The following WLS variants were observed in gnomAD, a reference collection of about 807,000 sequenced individuals.
WLS encodes the protein Wnt ligand secretion mediator.
Under a neutral mutation model 62.8 loss-of-function variants are expected in WLS, and 23 were observed. The ratio of observed to expected loss-of-function variants is 0.37; its 90% confidence interval spans 0.26 to 0.52. The LOEUF is 0.52. Among genes scored for constraint, WLS ranks in the 20% least tolerant of loss-of-function variants. The pLI is 0.92. For synonymous variants in WLS, 246 were observed against 244.1 expected (o/e 1.01, Z -0.07); for missense variants, 615 against 697.3 (o/e 0.88, Z 1.33).
At chr1:68,232,081 A>G in intron 1 of WLS, 113 bp downstream of exon 1, 1 of 1,406,054 alleles carries the variant, frequency 7.1e-7, no homozygotes, top group South Asian at 1.3e-5. Flanking sequence ...TAGCCGGACT[A>G]ATTAGATCAT....
chr1:68,166,956 T>C (rs990265422), intron 2 of WLS, among the ~76,000 whole-genome samples: 4 of 152,030 alleles, frequency 2.6e-5, no homozygotes, highest in Non-Finnish European at 5.9e-5. Flanking sequence ...CATAAAAAAA[T>C]AGAAATCACA....
In WLS at chr1:68,232,313, CT is replaced by C; in HGVS notation, c.-15del. Reference sequence around the variant, plus strand: ...TGCCCCAGCCATTTTTGCGCCCCCCCTTTTTCTTTTCTCCTTGAAATAAATG... The same window carrying C: ...TGCCCCAGCCATTTTTGCGCCCCCCCTTTTCTTTTCTCCTTGAAATAAATG... On this transcript the variant is annotated 5_prime_UTR_variant, in exon 1 of 12. Coordinates refer to ENST00000262348, the MANE Select transcript of WLS (RefSeq NM_024911.7). 1.9e-6 allele frequency: 3 copies of C among 1,613,230 alleles called. No individual in the cohort carries two copies. The highest frequency in any genetic ancestry group is 1.7e-6 in the Non-Finnish European group (2 of 1,179,596).
chr1:68,125,817 G>C lies in WLS; in HGVS notation c.*409C>G. ...GCCTACCTTGGACTGGGACCGCAAA[G>C]GATGTTAAAATCTATCCTAGAATTT... On this transcript the variant is annotated 3_prime_UTR_variant, in exon 12 of 12. Coordinates refer to ENST00000262348, the MANE Select transcript of WLS (RefSeq NM_024911.7). The C allele has an allele frequency of 9.9e-7, 1 of 1,006,396 alleles. No homozygotes were observed. Among genetic ancestry groups the C allele is most frequent in the Non-Finnish European group, 1.2e-6 (1 of 842,800 alleles). The allele number at this position is 1,006,396 out of a possible 1,614,324, so 62.3% of individuals were successfully genotyped here. A position where few individuals can be genotyped will look rare whatever the true frequency, so the allele number is the denominator to read the frequency against.
chr1:68,163,365 C>T (rs920590549), intron 2 of WLS, among the ~76,000 whole-genome samples: 1 of 152,170 alleles, frequency 6.6e-6, no homozygotes, highest in Non-Finnish European at 1.5e-5. Context: ...CTCTGGAGGC[C>T]GCGGTGGCGG....
chr1:68,126,262 C>G lies in WLS; in HGVS notation c.1590G>C (p.Glu530Asp), dbSNP rs752492386. 2.5e-6 allele frequency: 4 copies of G among 1,614,192 alleles called. No homozygotes were observed. Among genetic ancestry groups the G allele is most frequent in the Non-Finnish European group, 3.4e-6 (4 of 1,180,036 alleles). Reference sequence around the variant, plus strand: ...CCTCCTTGCGGGTCAACTTGTAGATCTCAGTGGGTCCGTCCACATGGGTGA... The same window carrying G: ...CCTCCTTGCGGGTCAACTTGTAGATGTCAGTGGGTCCGTCCACATGGGTGA... Reference protein sequence around the residue: ...TTITHVDGPTEIYKLTRKEAQ... With the variant: ...TTITHVDGPTDIYKLTRKEAQ... Residue 530 changes from glutamate (E) to aspartate (D), a missense_variant, in exon 12 of 12, where the codon GAG (glutamate) becomes GAC (aspartate). Physicochemically the swap from Glu to Asp is conservative, Grantham distance 45. Transcript: ENST00000262348.
chr1:68,174,864 G>A (rs1647209982), intron 2 of WLS, among the ~76,000 whole-genome samples: 2 of 152,182 alleles, frequency 1.3e-5, no homozygotes, highest in Admixed American at 6.5e-5. Context: ...AGTTGGGCCT[G>A]TTGGCCTGGT....
At chr1:68,196,666 ATACT>A (rs1419525598) in intron 1 of WLS, among the ~76,000 whole-genome samples, 1 of 152,156 alleles carries the variant, frequency 6.6e-6, no homozygotes, top group African/African-American at 2.4e-5. Flanking sequence ...ATGCCTATTA[ATACT>A]TACCAGAAAA....
In WLS at chr1:68,155,192, G is replaced by A; in HGVS notation, c.573C>T (p.Ala191=). Residue 191 remains alanine, a synonymous_variant, in exon 4 of 12, where the codon GCC becomes GCT. Coordinates refer to ENST00000262348, the MANE Select transcript of WLS (RefSeq NM_024911.7). ...GGATGTTTAAAAGGTAAAACTTATG[G>A]GCCACAGACCCAATTTCCATGAAAG... The part of the protein sequence containing the change: ...VLPFMEIGSV[A]HKFYLLNIRL... 6.2e-7 allele frequency: 1 copy of A among 1,613,696 alleles called. No homozygotes were observed. The highest frequency in any genetic ancestry group is 1.3e-5 in the African/African-American group (1 of 74,972).
intron 2 of WLS, among the ~76,000 whole-genome samples, chr1:68,176,994 C>A (rs1045920341): frequency 5.9e-5 from 9 of 152,184 alleles, no homozygotes; most frequent in Admixed American, 2.0e-4. Context: ...TCTTTTCTTA[C>A]CACTCTTCCA....
intron 11 of WLS, among the ~76,000 whole-genome samples, chr1:68,113,611 G>A (rs1194306826): frequency 6.6e-6 from 1 of 152,190 alleles, no homozygotes; most frequent in Non-Finnish European, 1.5e-5. Context: ...TAGGGGACGT[G>A]GCAGACACAT....
intron 1 of WLS, among the ~76,000 whole-genome samples, chr1:68,210,874 G>T (rs1449124884): frequency 6.6e-6 from 1 of 152,086 alleles, no homozygotes; most frequent in Admixed American, 6.5e-5. Flanking sequence ...TGATCAAGGG[G>T]TAAGGCAGTA....
chr1:68,133,552 A>G (rs1646562172), intron 11 of WLS, among the ~76,000 whole-genome samples: 1 of 152,214 alleles, frequency 6.6e-6, no homozygotes, highest in African/African-American at 2.4e-5. Context: ...GAACTAAGGT[A>G]TGAGGTATGA....
At chr1:68,145,795 G>T (rs999733788) in intron 9 of WLS, 74 bp downstream of exon 9, 3 of 1,579,536 alleles carry the variant, frequency 1.9e-6, no homozygotes, top group African/African-American at 2.7e-5. Flanking sequence ...TATCTCCAGG[G>T]TGTGTGTGTT....
chr1:68,197,811 T>C (rs1430105276), intron 1 of WLS, among the ~76,000 whole-genome samples: 1 of 152,176 alleles, frequency 6.6e-6, no homozygotes, highest in Admixed American at 6.6e-5. Flanking sequence ...AAGTTTGATC[T>C]GTCTGTAAAT....
intron 11 of WLS, among the ~76,000 whole-genome samples, chr1:68,128,797 C>T (rs923105417): frequency 4.6e-5 from 7 of 152,162 alleles, no homozygotes; most frequent in Admixed American, 1.3e-4. Context: ...TCCTCAGAGG[C>T]ACTATTATCA....
Position 68,155,094 on chromosome 1 carries a change from C to T in WLS, c.666+5G>A. 1 of 1,612,896 alleles carries T rather than the reference C, an allele frequency of 6.2e-7. No homozygotes were observed. The highest frequency in any genetic ancestry group is 8.5e-7 in the Non-Finnish European group (1 of 1,179,442). On this transcript the variant is annotated splice_donor_5th_base_variant and intron_variant, in intron 4 of 11. Transcript: ENST00000262348. ...CACATGTCAAGATCAATTACATTCA[C>T]TTACCACCAACCGGATATCCTTTAT... is the stretch of plus-strand genomic sequence containing the variant.
intron 11 of WLS, among the ~76,000 whole-genome samples, chr1:68,133,117 G>C (rs1480992756): frequency 6.6e-6 from 1 of 152,092 alleles, no homozygotes; most frequent in African/African-American, 2.4e-5. Context: ...TGAAGGAAAG[G>C]TAACTAAAAT....
intron 5 of WLS, among the ~76,000 whole-genome samples, chr1:68,152,601 G>A (rs905637403): frequency 9.9e-5 from 15 of 152,204 alleles, no homozygotes; most frequent in African/African-American, 2.9e-4. Context: ...TGGTGATCCC[G>A]TGAAAAGCAG....
intron 11 of WLS, among the ~76,000 whole-genome samples, chr1:68,104,347 G>A (rs1412410951): frequency 1.3e-5 from 2 of 152,124 alleles, no homozygotes; most frequent in East Asian, 3.9e-4. Flanking sequence ...GCAAAGTCCA[G>A]GGAGGTCATT....
Sources: gnomAD v4.1 joint callset for allele counts (sites outside exome capture counted in the v4.1 genomes callset) on GRCh38, gnomAD v4.1.1 for gene constraint, MANE v1.5 for transcripts, NCBI Gene and HGNC (gene_info 2026-07-23, HGNC 2026-07-21) for gene names.